The following GPR75 variants were observed in gnomAD, a reference collection of about 807,000 sequenced individuals.
GPR75 encodes the protein G protein-coupled receptor 75, also known as probable G protein-coupled receptor 75.
GPR75 carries 27 observed loss-of-function variants against 26.0 expected under a neutral mutation model. The observed-to-expected ratio is 1.04, with a 90% CI of 0.77 to 1.43. GPR75 has a LOEUF of 1.43. Among genes scored for constraint, GPR75 ranks in the 40% most tolerant of loss-of-function variants. The pLI is 0.00. For missense variants in GPR75, 699 were observed against 662.3 expected (o/e 1.06, Z -0.61); for synonymous variants, 285 against 256.3 (o/e 1.11, Z -1.07).
At chr2:53,859,713 T>A (rs1417498604) in intron 1 of GPR75, 115 bp downstream of exon 1, 5 of 708,992 alleles carry the variant, frequency 7.1e-6, no homozygotes, top group Admixed American at 3.2e-5. Flanking sequence ...GGAAGACAGG[T>A]ACGCGGAGCC....
intron 1 of GPR75, among the ~76,000 whole-genome samples, 169 bp from the exon 2 acceptor site, chr2:53,855,034 T>C (rs928845846): frequency 6.6e-6 from 1 of 152,130 alleles, no homozygotes; most frequent in Admixed American, 6.5e-5. Context: ...TTGCCCAGGC[T>C]GGACTTGAAC....
At chr2:53,858,256 G>A (rs1678282900) in intron 1 of GPR75, among the ~76,000 whole-genome samples, 1 of 152,138 alleles carries the variant, frequency 6.6e-6, no homozygotes, top group South Asian at 2.1e-4. Context: ...CTATTCTAGA[G>A]GCTTTACATA....
Position 53,859,948 on chromosome 2 carries a change from C to T in GPR75, c.-230G>A. ...CGCCATCGCCACCGCCTCCGCGCAT[C>T]CCGGGAGCCGCGGCAAGACGCGGGC... On this transcript the variant is annotated 5_prime_UTR_variant, in exon 1 of 2. Coordinates refer to ENST00000394705, the MANE Select transcript of GPR75 (RefSeq NM_006794.4). 1.3e-6 allele frequency: 2 copies of T among 1,486,914 alleles called. No individual in the cohort carries two copies. The highest frequency in any genetic ancestry group is 1.8e-6 in the Non-Finnish European group (2 of 1,122,768). The allele number at this position is 1,486,914 out of a possible 1,614,324, so 92.1% of individuals were successfully genotyped here.
At position 53,854,715 on chromosome 2, in the gene GPR75, G is replaced by A. The variant is rs771139383; in HGVS notation, c.42C>T (p.Thr14=). ...CCTGTGAGTGAGGCACATGGAGCGA[G>A]GTGGCATTGGGGGCATCCTGAAGGT... ...TGHLQDAPNA[T]SLHVPHSQEG... Residue 14 remains threonine (T), a synonymous_variant, in exon 2 of 2, where the codon ACC becomes ACT. Coordinates refer to ENST00000394705, the MANE Select transcript of GPR75 (RefSeq NM_006794.4). The A allele has an allele frequency of 6.2e-7, 1 of 1,614,038 alleles. No homozygotes were observed. The highest frequency in any genetic ancestry group is 1.1e-5 in the South Asian group (1 of 91,066).
intron 1 of GPR75, 62 bp from the exon 2 acceptor site, chr2:53,854,927 C>T: frequency 1.7e-6 from 1 of 599,844 alleles, no homozygotes; most frequent in Non-Finnish European, 3.0e-6. Flanking sequence ...GAAAGGAATT[C>T]ATACAGTGAT....
In GPR75 at chr2:53,853,858, G is replaced by C; in HGVS notation, c.899C>G (p.Ala300Gly). ...GGCTGATACGAGCTGGAGTCGGCTT[G>C]CTGCAGGGGTGACCAGTTGGTTGGG... ...KSPNQLVTPA[A>G]SRLQLVSAIN... Residue 300 changes from alanine to glycine, a missense_variant, in exon 2 of 2, where the codon GCA (alanine) becomes GGA (glycine). Transcript: ENST00000394705. 6.2e-7 allele frequency: 1 copy of C among 1,614,146 alleles called. No homozygotes were observed. The highest frequency in any genetic ancestry group is 8.5e-7 in the Non-Finnish European group (1 of 1,180,008).
chr2:53,858,541 A>C (rs1359856650), intron 1 of GPR75, among the ~76,000 whole-genome samples: 1 of 152,142 alleles, frequency 6.6e-6, no homozygotes, highest in Non-Finnish European at 1.5e-5. Context: ...TGGGAAGAGA[A>C]AAGGGAGAAA....
At chr2:53,857,251 G>A (rs959607069) in intron 1 of GPR75, among the ~76,000 whole-genome samples, 9 of 152,128 alleles carry the variant, frequency 5.9e-5, no homozygotes, top group African/African-American at 2.2e-4. Flanking sequence ...ACAGGCGTGA[G>A]CCACCGCGCC....
chr2:53,853,818 A>G lies in GPR75; in HGVS notation c.939T>C (p.Thr313=), dbSNP rs746901678. ...LQLVSAINLS[T]AKDSKAVVTC... is the part of the protein sequence containing the mutation. Reference sequence around the variant, plus strand: ...TGACCACGGCTTTGGAATCCTTGGCAGTGGAGAGGTTGATGGCTGATACGA... The same window carrying G: ...TGACCACGGCTTTGGAATCCTTGGCGGTGGAGAGGTTGATGGCTGATACGA... Residue 313 remains threonine (T), a synonymous_variant, in exon 2 of 2, where the codon ACT becomes ACC. Transcript: ENST00000394705. The G allele has an allele frequency of 1.9e-6, 3 of 1,614,148 alleles. No homozygotes were observed. The highest frequency in any genetic ancestry group is 2.2e-5 in the South Asian group (2 of 91,072).
rs1678133557 is a variant in GPR75, at chr2:53,853,181, C to T, written c.1576G>A (p.Glu526Lys). 5.6e-6 allele frequency: 9 copies of T among 1,613,642 alleles called. No individual in the cohort carries two copies. The highest frequency in any genetic ancestry group is 7.6e-6 in the Non-Finnish European group (9 of 1,179,680). ...TGCTTGGCTGAAGTGCTGTCATATTCCTGCACTAAGTCATTAGTGGTGTGA... is the reference window on the plus strand; with the variant it reads ...TGCTTGGCTGAAGTGCTGTCATATTTCTGCACTAAGTCATTAGTGGTGTGA... Reference protein sequence around the residue: ...HYHTTNDLVQEYDSTSAKQIP... With the variant: ...HYHTTNDLVQKYDSTSAKQIP... The change falls in exon 2 of 2, where the codon GAA becomes AAA. Residue 526 changes from glutamate to lysine, a missense_variant. Physicochemically the swap from Glu to Lys is moderately conservative, Grantham distance 56. Transcript: ENST00000394705.
rs1349430472 is a variant in GPR75 at position 53,853,413 on chromosome 2, T to C, written c.1344A>G (p.Pro448=). ...QKKFVDQACG[P]SHSKESMVSP... ...TCACCATACTTTCTTTTGAATGACT[T>C]GGGCCACAAGCCTGGTCCACAAATT... Residue 448 remains proline, a synonymous_variant, in exon 2 of 2, where the codon CCA becomes CCG. Transcript: ENST00000394705. 1.9e-6 allele frequency: 3 copies of C among 1,614,166 alleles called. No homozygotes were observed. The Admixed American group carries it at 5.0e-5, about 27-fold the overall frequency.
At position 53,854,846 on chromosome 2, in the gene GPR75, G is replaced by C; in HGVS notation, c.-90C>G. ...CACAGATGAGCAATATGTGACAAAA[G>C]AGGCCCAAGACAGATAAGCCTACAC... On this transcript the variant is annotated 5_prime_UTR_variant, in exon 2 of 2. Coordinates refer to ENST00000394705, the MANE Select transcript of GPR75 (RefSeq NM_006794.4). 1 of 980,272 alleles carries C rather than the reference G, an allele frequency of 1.0e-6. No homozygotes were observed. Among genetic ancestry groups the C allele is most frequent in the Non-Finnish European group, 1.5e-6 (1 of 645,862 alleles). The allele number at this position is 980,272 out of a possible 1,614,324, so 60.7% of individuals were successfully genotyped here.
chr2:53,857,653 G>A (rs1678267655), intron 1 of GPR75, among the ~76,000 whole-genome samples: 1 of 152,116 alleles, frequency 6.6e-6, no homozygotes, highest in Non-Finnish European at 1.5e-5. Flanking sequence ...AAGAATAGGA[G>A]GCAGGAGGAA....
chr2:53,859,870 C>A lies in GPR75; in HGVS notation c.-152G>T, dbSNP rs1362219740. 1.3e-6 allele frequency: 2 copies of A among 1,532,916 alleles called. No individual in the cohort carries two copies. Among genetic ancestry groups the A allele is most frequent in the Non-Finnish European group, 1.7e-6 (2 of 1,144,338 alleles). 95.0% of individuals were successfully genotyped at this position (1,532,916 alleles called of 1,614,324 possible). A position where few individuals can be genotyped will look rare whatever the true frequency, so the allele number is the denominator to read the frequency against. ...CGCCGCCCCTCCTCCATCTCGCAGTCCGGACCCCAGCTCCGCCTGCCGCTC... is the reference window on the plus strand; with the variant it reads ...CGCCGCCCCTCCTCCATCTCGCAGTACGGACCCCAGCTCCGCCTGCCGCTC... On this transcript the variant is annotated 5_prime_UTR_variant, in exon 1 of 2. Transcript: ENST00000394705.
rs1678332446 is a variant in GPR75, at chr2:53,859,830, G to C, written c.-112C>G. On this transcript the variant is annotated splice_region_variant and 5_prime_UTR_variant, in exon 1 of 2. Coordinates refer to ENST00000394705, the MANE Select transcript of GPR75 (RefSeq NM_006794.4). ...TCCAGGGGCCCGCGGCCTCTCACCT[G>C]CCGGGTGGCCGCAGCGCCGCCCCTC... 6.5e-7 allele frequency: 1 copy of C among 1,530,500 alleles called. No individual in the cohort carries two copies. The highest frequency in any genetic ancestry group is 8.7e-7 in the Non-Finnish European group (1 of 1,143,088). The allele number at this position is 1,530,500 out of a possible 1,614,324, so 94.8% of individuals were successfully genotyped here. A position where few individuals can be genotyped will look rare whatever the true frequency, so the allele number is the denominator to read the frequency against.
chr2:53,857,258 C>T (rs966967546), intron 1 of GPR75, among the ~76,000 whole-genome samples: 1 of 151,766 alleles, frequency 6.6e-6, no homozygotes, highest in Non-Finnish European at 1.5e-5. Context: ...TGAGCCACCG[C>T]GCCCGGCCGA....
chr2:53,858,929 G>A (rs1678302925), intron 1 of GPR75, among the ~76,000 whole-genome samples: 1 of 151,950 alleles, frequency 6.6e-6, no homozygotes, highest in Admixed American at 6.6e-5. Flanking sequence ...GCTGCAGTAA[G>A]AATGAATTCA....
Position 53,853,981 on chromosome 2 carries a change from C to T in GPR75, c.776G>A (p.Gly259Glu). ...PQPFMGVPVQ[G>E]GGDPIQCAMP... ...GGCACACTGGATGGGATCTCCACCT[C>T]CCTGCACAGGGACCCCCATGAAAGG... The change falls in exon 2 of 2, where the codon GGA becomes GAA. Residue 259 changes from glycine to glutamate, a missense_variant. Coordinates refer to ENST00000394705, the MANE Select transcript of GPR75 (RefSeq NM_006794.4). 6.2e-7 allele frequency: 1 copy of T among 1,614,162 alleles called. No homozygotes were observed. The highest frequency in any genetic ancestry group is 8.5e-7 in the Non-Finnish European group (1 of 1,180,020).
chr2:53,858,253 A>C (rs935088747), intron 1 of GPR75, among the ~76,000 whole-genome samples: 1 of 152,200 alleles, frequency 6.6e-6, no homozygotes, highest in Non-Finnish European at 1.5e-5. Context: ...CACCTATTCT[A>C]GAGGCTTTAC....
Sources: allele counts gnomAD v4.1 joint callset (sites outside exome capture counted in the v4.1 genomes callset), GRCh38; gene constraint gnomAD v4.1.1; transcripts MANE v1.5; gene names NCBI Gene and HGNC (gene_info 2026-07-23, HGNC 2026-07-21).